Variants in LIPG observed in about 807,000 individuals in gnomAD.
The protein encoded by LIPG is lipase G, endothelial type.
A neutral mutation model predicts 51.8 loss-of-function variants in LIPG; 34 were observed. The ratio of observed to expected loss-of-function variants is 0.66; its 90% CI spans 0.50 to 0.87. The LOEUF (loss-of-function observed/expected upper bound fraction) is 0.87. LIPG is among the 40% of genes least tolerant of loss of function. The pLI is 0.00. For synonymous variants in LIPG, 246 were observed against 246.1 expected (o/e 1.00, Z 0.00); for missense variants, 580 against 652.7 (o/e 0.89, Z 1.21).
Position 49,575,379 on chromosome 18 carries a change from T to C in LIPG, c.582T>C (p.Pro194=). The stretch of plus-strand genomic sequence containing the variant: ...CTCCTTCTGCTGCAGGTTTGGATCC[T>C]GCCGGGCCCATGTTTGAAGGGGCCG... ...GTVGRITGLD[P]AGPMFEGADI... is the part of the protein sequence containing the mutation. Residue 194 remains proline (P), a synonymous_variant, in exon 5 of 10, where the codon CCT becomes CCC. Transcript: ENST00000261292. 3 of 1,612,644 alleles carry C rather than the reference T, an allele frequency of 1.9e-6. No individual in the cohort carries two copies. Among genetic ancestry groups the C allele is most frequent in the Middle Eastern group, 2.0e-4 (1 of 4,926 alleles).
At position 49,598,985 on chromosome 18, in the gene LIPG, T is replaced by C. The variant is rs1326008359; in HGVS notation, c.*8463T>C. The C allele has an allele frequency of 6.6e-6, 1 of 152,242 alleles. No individual in the cohort carries two copies. The highest frequency in any genetic ancestry group is 6.5e-5 in the Admixed American group (1 of 15,288). The allele number at this position is 152,242 out of a possible 1,614,324, so 9.4% of individuals were successfully genotyped here. ...AGCAGTATTCCACTGTATAGATAAA[T>C]AACATTTTGTTTATCCGTTTACTTG... On this transcript the variant is annotated 3_prime_UTR_variant, in exon 10 of 10. Transcript: ENST00000261292.
At chr18:49,584,408 C>T (rs1210013510) in intron 8 of LIPG, among the ~76,000 whole-genome samples, 1 of 152,218 alleles carries the variant, frequency 6.6e-6, no homozygotes, top group African/African-American at 2.4e-5. Flanking sequence ...CAGCTCCTAA[C>T]ACCGTGCCTG....
chr18:49,569,115 C>T lies in LIPG; in HGVS notation c.460-322C>T, dbSNP rs1444534272. Among the ~76,000 whole-genome samples, 5 of 151,982 alleles carry T rather than the reference C, an allele frequency of 3.3e-5. No homozygotes were observed. The East Asian group carries it at 9.6e-4, about 29-fold the overall frequency. On this transcript the variant is annotated intron_variant, in intron 3 of 9. Transcript: ENST00000261292. The stretch of plus-strand genomic sequence containing the variant: ...AGTACGGCAGCTTTGACCTCCTCAC[C>T]ATCACCCTCCCCTCTCTTAGATACT...
chr18:49,578,988 AGAGGGAGACCGTG>A (rs1404554013), intron 5 of LIPG, among the ~76,000 whole-genome samples: 11 of 112,196 alleles, frequency 9.8e-5, no homozygotes, highest in Non-Finnish European at 2.0e-4. Flanking sequence ...GCTCCACATG[AGAGGGAGACCGTG>A]GGGAGAGGGA....
Position 49,581,451 on chromosome 18 carries a change from C to A in LIPG, c.830C>A (p.Ala277Asp), listed in dbSNP as rs1331901550. 13 of 1,614,078 alleles carry A rather than the reference C, an allele frequency of 8.1e-6. No individual in the cohort carries two copies. Among genetic ancestry groups the A allele is most frequent in the Non-Finnish European group, 1.1e-5 (13 of 1,180,052 alleles). The change falls in exon 6 of 10, where the codon GCC becomes GAC. Residue 277 changes from alanine to aspartate, a missense_variant. Physicochemically the swap from Ala to Asp is moderately radical, Grantham distance 126 (BLOSUM62 -2). Coordinates refer to ENST00000261292, the MANE Select transcript of LIPG (RefSeq NM_006033.4). ...GTGGTAAAATGTGAGCATGAGCGAG[C>A]CGTCCACCTCTTTGTTGACTCTCTG... ...TEVVKCEHERAVHLFVDSLVN... is the reference protein window; with the variant it reads ...TEVVKCEHERDVHLFVDSLVN...
At position 49,565,523 on chromosome 18, in the gene LIPG, G is replaced by A. The variant is rs374812892; in HGVS notation, c.279+25G>A. The A allele has an allele frequency of 4.2e-5, 67 of 1,613,184 alleles. 1 individual carries two copies. Among genetic ancestry groups the A allele is most frequent in the Admixed American group, 1.5e-4 (9 of 60,002 alleles). On this transcript the variant is annotated intron_variant, in intron 2 of 9. Transcript: ENST00000261292. The stretch of plus-strand genomic sequence containing the variant: ...GGTGAGCCCGGGGAGGGAGCTCTGC[G>A]GCTTTATATAAGATTTGATTCCCTT...
chr18:49,573,041 T>C (rs2084679824), intron 4 of LIPG, among the ~76,000 whole-genome samples: 1 of 152,226 alleles, frequency 6.6e-6, no homozygotes, highest in Admixed American at 6.5e-5. Context: ...AGGCAGGCTC[T>C]GGCTGGGTAG....
At position 49,581,401 on chromosome 18, in the gene LIPG, T is replaced by A; in HGVS notation, c.794-14T>A. On this transcript the variant is annotated splice_polypyrimidine_tract_variant and intron_variant, in intron 5 of 9. Coordinates refer to ENST00000261292, the MANE Select transcript of LIPG (RefSeq NM_006033.4). ...GGGCTCATCCTGCATGCTTTTTATC[T>A]CTCCCACCCCCAGCAATCACAGAGG... 6.2e-7 allele frequency: 1 copy of A among 1,614,174 alleles called. No individual in the cohort carries two copies. Among genetic ancestry groups the A allele is most frequent in the Non-Finnish European group, 8.5e-7 (1 of 1,180,040 alleles).
chr18:49,577,816 C>T (rs1479281197), intron 5 of LIPG, among the ~76,000 whole-genome samples: 76 of 113,682 alleles, frequency 6.7e-4, no homozygotes, highest in African/African-American at 2.2e-3. Context: ...ACCTCCCTCC[C>T]GGACGGGGCG....
At chr18:49,589,001 C>A (rs767415687) in intron 9 of LIPG, among the ~76,000 whole-genome samples, 17 of 152,132 alleles carry the variant, frequency 1.1e-4, no homozygotes, top group Non-Finnish European at 2.2e-4. Context: ...AACCGAGGCT[C>A]AGGGAGATGA....
rs2084990823 is a variant in LIPG, at chr18:49,597,868, G to A, written c.*7346G>A. On this transcript the variant is annotated 3_prime_UTR_variant, in exon 10 of 10. Transcript: ENST00000261292. ...GGAACAGAGGCAGGGTTATCTCACT[G>A]GAATGGAGAAGCTAAAATGACATTA... 6.6e-6 allele frequency: 1 copy of A among 152,226 alleles called. No individual in the cohort carries two copies. The highest frequency in any genetic ancestry group is 2.4e-5 in the African/African-American group (1 of 41,446). 9.4% of individuals were successfully genotyped at this position (152,226 alleles called of 1,614,324 possible).
intron 4 of LIPG, among the ~76,000 whole-genome samples, chr18:49,570,881 T>C (rs541009874): frequency 6.6e-6 from 1 of 152,256 alleles, no homozygotes; most frequent in African/African-American, 2.4e-5. Flanking sequence ...AATAACGATT[T>C]GGTAAAGGTA....
At chr18:49,574,139 C>T (rs1187999056) in intron 4 of LIPG, among the ~76,000 whole-genome samples, 1 of 152,186 alleles carries the variant, frequency 6.6e-6, no homozygotes, top group Non-Finnish European at 1.5e-5. Context: ...TTCTCCAGGT[C>T]CTTCCTGTGT....
Position 49,595,403 on chromosome 18 carries a change from GTCTC to G in LIPG, c.*4883_*4886del, listed in dbSNP as rs750415827. 124 of 152,202 alleles carry G rather than the reference GTCTC, an allele frequency of 8.1e-4. 8 individuals are homozygous for G. The highest frequency in any genetic ancestry group is 2.1e-4 in the South Asian group (1 of 4,828). 9.4% of individuals were successfully genotyped at this position (152,202 alleles called of 1,614,324 possible). ...TTTAGGCTAAATACAGCCTTTCTGA[GTCTC>G]TATCTGCTCATTTAAGAAACAGAGA... is the stretch of plus-strand genomic sequence containing the variant. On this transcript the variant is annotated 3_prime_UTR_variant, in exon 10 of 10. Coordinates refer to ENST00000261292, the MANE Select transcript of LIPG (RefSeq NM_006033.4).
At chr18:49,570,693 G>A (rs1162903346) in intron 4 of LIPG, among the ~76,000 whole-genome samples, 3 of 152,206 alleles carry the variant, frequency 2.0e-5, no homozygotes, top group Non-Finnish European at 2.9e-5. Flanking sequence ...GCCAGCTGTG[G>A]TGGCGGGTGC....
chr18:49,567,583 G>A lies in LIPG; in HGVS notation c.421G>A (p.Val141Met). The A allele has an allele frequency of 6.2e-7, 1 of 1,614,154 alleles. No individual in the cohort carries two copies. Among genetic ancestry groups the A allele is most frequent in the Non-Finnish European group, 8.5e-7 (1 of 1,180,032 alleles). Reference protein sequence around the residue: ...YTDAVNNTRVVGHSIARMLDW... With the variant: ...YTDAVNNTRVMGHSIARMLDW... ...GGATGCGGTCAATAATACCAGGGTG[G>A]TGGGACACAGCATTGCCAGGATGCT... is the stretch of plus-strand genomic sequence containing the variant. Residue 141 changes from valine to methionine, a missense_variant, in exon 3 of 10, where the codon GTG becomes ATG. Transcript: ENST00000261292.
chr18:49,576,321 A>G (rs1438497700), intron 5 of LIPG, among the ~76,000 whole-genome samples: 2 of 151,934 alleles, frequency 1.3e-5, no homozygotes, highest in African/African-American at 2.4e-5. Context: ...AATTATTTGC[A>G]TGCATATTTT....
In LIPG at chr18:49,562,195, C is replaced by T; in HGVS notation, c.-114C>T. ...TTTTCCACCTTCTCTGCCTCCAGTCCCCCAGCCCCTGGCCGAGAGAAGGGT... is the reference window on the plus strand; with the variant it reads ...TTTTCCACCTTCTCTGCCTCCAGTCTCCCAGCCCCTGGCCGAGAGAAGGGT... On this transcript the variant is annotated 5_prime_UTR_variant, in exon 1 of 10. Coordinates refer to ENST00000261292, the MANE Select transcript of LIPG (RefSeq NM_006033.4). The T allele has an allele frequency of 6.3e-7, 1 of 1,582,922 alleles. No individual in the cohort carries two copies. The highest frequency in any genetic ancestry group is 8.6e-7 in the Non-Finnish European group (1 of 1,167,498).
intron 7 of LIPG, 44 bp from the exon 8 acceptor site, chr18:49,583,512 T>C: frequency 6.4e-7 from 1 of 1,563,014 alleles, no homozygotes; most frequent in Non-Finnish European, 8.8e-7. Flanking sequence ...GTGGCAGTTT[T>C]CCAGCTGTTA....
Sources: gnomAD v4.1 joint callset for allele counts (sites outside exome capture counted in the v4.1 genomes callset) on GRCh38, gnomAD v4.1.1 for gene constraint, MANE v1.5 for transcripts, NCBI Gene and HGNC (gene_info 2026-07-23, HGNC 2026-07-21) for gene names.